The following SPTBN4 variants were observed in gnomAD, a reference collection of about 807,000 sequenced individuals.
SPTBN4 encodes the protein spectrin beta chain, non-erythrocytic 4.
SPTBN4 carries 96 observed loss-of-function variants against 277.8 expected under a neutral mutation model. That is an observed-to-expected ratio of 0.35 (90% CI 0.29 to 0.41). The LOEUF (loss-of-function observed/expected upper bound fraction) is 0.41, where lower values mean the gene tolerates loss of function less well. Among genes scored for constraint, SPTBN4 ranks in the 10% least tolerant of loss-of-function variants. The pLI is 1.00. For missense variants in SPTBN4, 3,006 were observed against 3,595.7 expected (o/e 0.84, Z 4.19); for synonymous variants, 1,481 against 1,580.3 (o/e 0.94, Z 1.49).
chr19:40,498,847 G>A (rs958223849), intron 7 of SPTBN4, among the ~76,000 whole-genome samples: 10 of 151,938 alleles, frequency 6.6e-5, no homozygotes, highest in South Asian at 2.1e-4. Context: ...GACTACAGGT[G>A]TGCACCATCA....
chr19:40,564,142 G>A (rs1027920929), intron 27 of SPTBN4, among the ~76,000 whole-genome samples: 7 of 151,892 alleles, frequency 4.6e-5, no homozygotes, highest in Non-Finnish European at 1.0e-4. Flanking sequence ...ATCAACTGAG[G>A]TCAGGAGTTT....
At position 40,497,616 on chromosome 19, in the gene SPTBN4, G is replaced by C. The variant is rs370297446; in HGVS notation, c.784+12G>C. On this transcript the variant is annotated intron_variant, in intron 7 of 35. Transcript: ENST00000598249. ...GCTGGATCCTGAAGGTGAGCCTCTC[G>C]CGGGCCCAGCCCAGACTTCGTCTTG... 4 of 1,609,952 alleles carry C rather than the reference G, an allele frequency of 2.5e-6. No individual in the cohort carries two copies. In the African/African-American group the frequency reaches 4.0e-5, roughly 16 times the overall value.
chr19:40,559,757 G>T (rs1181271451), intron 26 of SPTBN4, among the ~76,000 whole-genome samples: 1 of 152,216 alleles, frequency 6.6e-6, no homozygotes, highest in Admixed American at 6.5e-5. Context: ...CAGCCGTCGT[G>T]TAGGAAACTG....
chr19:40,477,525 G>A (rs2079962752), intron 2 of SPTBN4, among the ~76,000 whole-genome samples: 2 of 152,144 alleles, frequency 1.3e-5, no homozygotes, highest in Non-Finnish European at 1.5e-5. Context: ...ACAGGGTAGG[G>A]GAGGCACAGG....
At chr19:40,545,103 AT>A (rs976730126) in intron 20 of SPTBN4, among the ~76,000 whole-genome samples, 5 of 150,386 alleles carry the variant, frequency 3.3e-5, no homozygotes, top group Admixed American at 2.7e-4. Flanking sequence ...TTATTTAAAA[AT>A]TTTTTTTTCA....
intron 20 of SPTBN4, chr19:40,534,732 GCACT>G (rs2080716140): frequency 4.6e-6 from 1 of 215,546 alleles, no homozygotes; most frequent in Non-Finnish European, 9.6e-6. Flanking sequence ...TCTGGGCCAA[GCACT>G]CACTGAACTC....
At chr19:40,525,907 T>A (rs1021206062) in intron 17 of SPTBN4, among the ~76,000 whole-genome samples, 14 of 152,198 alleles carry the variant, frequency 9.2e-5, no homozygotes, top group East Asian at 3.9e-4. Context: ...TGAGACGGAC[T>A]AATCTCTGCA....
At chr19:40,498,379 T>G (rs1037704591) in intron 7 of SPTBN4, among the ~76,000 whole-genome samples, 2 of 92,670 alleles carry the variant, frequency 2.2e-5, no homozygotes, top group Non-Finnish European at 4.5e-5. Context: ...TTTATTTTAT[T>G]TATTTATTTA....
At chr19:40,568,419 C>A in intron 31 of SPTBN4, 137 bp downstream of exon 31, 1 of 1,262,554 alleles carries the variant, frequency 7.9e-7, no homozygotes, top group Non-Finnish European at 1.1e-6. Context: ...ACCCATTTTG[C>A]AGAGGTGTAA....
rs539113108 is a variant in SPTBN4, at chr19:40,515,060, G to A, written c.2766-251G>A. On this transcript the variant is annotated intron_variant, in intron 14 of 35. Transcript: ENST00000598249. The surrounding 1 kb of genome is among the most constrained non-coding windows in gnomAD (Gnocchi z 4.1). ...GCAGAGGTTGCAGTGAGCCACAATC[G>A]CGCCACTGCACTCCAGCCTGGGTGA... Among the ~76,000 whole-genome samples, 6 of 152,172 alleles carry A rather than the reference G, an allele frequency of 3.9e-5. No individual in the cohort carries two copies. In the South Asian group the frequency reaches 1.2e-3, roughly 32 times the overall value.
chr19:40,522,100 C>T (rs925046247), intron 16 of SPTBN4, among the ~76,000 whole-genome samples: 1 of 152,196 alleles, frequency 6.6e-6, no homozygotes, highest in Non-Finnish European at 1.5e-5. Flanking sequence ...GATCATGACT[C>T]ACTGCAGCCT....
intron 2 of SPTBN4, among the ~76,000 whole-genome samples, chr19:40,484,438 G>C (rs1309055533): frequency 6.6e-6 from 1 of 152,108 alleles, no homozygotes; most frequent in Non-Finnish European, 1.5e-5. Flanking sequence ...TGGCTTAATG[G>C]AGAAGCTATT....
Position 40,567,885 on chromosome 19 carries a change from C to A in SPTBN4, c.6559C>A (p.Arg2187Ser), listed in dbSNP as rs1004686866. 3 of 1,523,090 alleles carry A rather than the reference C, an allele frequency of 2.0e-6. No individual in the cohort carries two copies. The highest frequency in any genetic ancestry group is 2.1e-5 in the Admixed American group (1 of 48,214). 94.3% of individuals were successfully genotyped at this position (1,523,090 alleles called of 1,614,324 possible). Residue 2187 changes from arginine to serine, a missense_variant, in exon 31 of 36, where the codon CGC (arginine) becomes AGC (serine). By Grantham distance (110) the Arg-to-Ser change is moderately radical. Coordinates refer to ENST00000598249, the MANE Select transcript of SPTBN4 (RefSeq NM_020971.3). ...TGTGCGCCAGGAGCTCAAGCCCGAGCGCCTCCAGCCGCGCATTGACCGGCT... is the reference window on the plus strand; with the variant it reads ...TGTGCGCCAGGAGCTCAAGCCCGAGAGCCTCCAGCCGCGCATTGACCGGCT... ...GYVRQELKPE[R>S]LQPRIDRLPE...
At chr19:40,479,675 CATATATATATAT>C (rs34118043) in intron 2 of SPTBN4, among the ~76,000 whole-genome samples, 7 of 126,684 alleles carry the variant, frequency 5.5e-5, no homozygotes, top group Admixed American at 2.4e-4. Context: ...AATGAGTAAG[CATATATATATAT>C]ATATATATAT....
At position 40,544,457 on chromosome 19, in the gene SPTBN4, T is replaced by G. The variant is rs1361673796; in HGVS notation, c.4360-4732T>G. On this transcript the variant is annotated intron_variant, in intron 20 of 35. Transcript: ENST00000598249. ...GTGCCCGGCTTTTTTTTTTTTTTTT[T>G]TTTTTTTGAGATGGAGTTTTGCTTT... 2.5e-4 allele frequency among the ~76,000 whole-genome samples: 35 copies of G among 142,854 alleles called. No homozygotes were observed. The South Asian group carries it at 6.0e-3, about 25-fold the overall frequency. 93.7% of individuals were successfully genotyped at this position (142,854 alleles called of 152,430 possible). A position where few individuals can be genotyped will look rare whatever the true frequency, so the allele number is the denominator to read the frequency against.
chr19:40,528,993 AC>A, intron 17 of SPTBN4, 47 bp from the exon 18 acceptor site: 5 of 1,500,274 alleles, frequency 3.3e-6, no homozygotes, highest in Non-Finnish European at 4.6e-6. Flanking sequence ...CCAGCGCCGC[AC>A]CCCCCAACCC....
chr19:40,480,134 C>T (rs1175696403), intron 2 of SPTBN4, among the ~76,000 whole-genome samples: 1 of 151,730 alleles, frequency 6.6e-6, no homozygotes, highest in Non-Finnish European at 1.5e-5. Context: ...ACTTGTAGTC[C>T]CAGCTGCACG....
In SPTBN4 at chr19:40,519,934, A is replaced by G; in HGVS notation, c.3437A>G (p.Tyr1146Cys). 1 of 1,555,198 alleles carries G rather than the reference A, an allele frequency of 6.4e-7. No homozygotes were observed. Among genetic ancestry groups the G allele is most frequent in the Non-Finnish European group, 8.6e-7 (1 of 1,158,134 alleles). The change falls in exon 16 of 36, where the codon TAT (tyrosine) becomes TGT (cysteine). Residue 1146 changes from tyrosine to cysteine, a missense_variant. By Grantham distance (194) the Tyr-to-Cys change is radical (BLOSUM62 -2). Transcript: ENST00000598249. This position sits in a 1 kb window ranked among gnomAD's most constrained non-coding sequence, Gnocchi z 5.7. ...GAGGTGGACCAGCGCGAGGAAGACTATGCTCGCATCGTGGCGGCCAGCGAG... is the reference window on the plus strand; with the variant it reads ...GAGGTGGACCAGCGCGAGGAAGACTGTGCTCGCATCGTGGCGGCCAGCGAG... ...KEEVDQREEDYARIVAASEAL... is the reference protein window; with the variant it reads ...KEEVDQREEDCARIVAASEAL...
intron 27 of SPTBN4, among the ~76,000 whole-genome samples, chr19:40,561,142 T>C (rs572913756): frequency 6.6e-4 from 101 of 152,190 alleles, no homozygotes; most frequent in African/African-American, 2.4e-3. Context: ...GCCTCCCAAG[T>C]AGCTGGGACT....
Sources: gnomAD v4.1 joint callset for allele counts (sites outside exome capture counted in the v4.1 genomes callset) on GRCh38, gnomAD v4.1.1 for gene constraint, Gnocchi (gnomAD v3.1) non-coding constraint, MANE v1.5 for transcripts, NCBI Gene and HGNC (gene_info 2026-07-23, HGNC 2026-07-21) for gene names.